Variants in AP1B1 observed in about 807,000 individuals in gnomAD.
AP1B1 encodes adaptor related protein complex 1 subunit beta 1.
AP1B1 carries 36 observed loss-of-function variants against 104.3 expected under a neutral mutation model. The observed-to-expected ratio is 0.35, with a 90% CI of 0.26 to 0.46. AP1B1 has a LOEUF of 0.46. Among genes scored for constraint, AP1B1 ranks in the 20% least tolerant of loss-of-function variants. AP1B1 has a pLI of 1.00. For missense variants in AP1B1, 901 were observed against 1,247.9 expected, an observed-to-expected ratio of 0.72 and a Z score of 4.19; for synonymous variants, 504 against 517.5, an observed-to-expected ratio of 0.97 and a Z score of 0.35.
chr22:29,348,188 C>T (rs2061820968), intron 11 of AP1B1, among the ~76,000 whole-genome samples: 1 of 152,252 alleles, frequency 6.6e-6, no homozygotes, highest in Admixed American at 6.5e-5. Context: ...CAAATCAAGA[C>T]TCATGGTGCC....
At chr22:29,386,945 C>T (rs1404422006) in intron 1 of AP1B1, among the ~76,000 whole-genome samples, 1 of 152,224 alleles carries the variant, frequency 6.6e-6, no homozygotes, top group African/African-American at 2.4e-5. Context: ...GCATATTTCT[C>T]AGAAAGGCAA....
Position 29,354,661 on chromosome 22 carries a change from G to A in AP1B1, c.927C>T (p.Ile309=), listed in dbSNP as rs778160100. 8.7e-6 allele frequency: 14 copies of A among 1,613,934 alleles called. No homozygotes were observed. Among genetic ancestry groups the A allele is most frequent in the South Asian group, 3.3e-5 (3 of 91,064 alleles). The change falls in exon 7 of 23, where the codon ATC becomes ATT. Residue 309 remains isoleucine, a synonymous_variant. Coordinates refer to ENST00000357586, the MANE Select transcript of AP1B1 (RefSeq NM_001127.4). ...QYVALRNINL[I]VQKRPEILKH... Reference sequence around the variant, plus strand: ...GGTGACCTCAGTACCTTTTCTGCACGATGAGATTGATGTTGCGCAGGGCCA... The same window carrying A: ...GGTGACCTCAGTACCTTTTCTGCACAATGAGATTGATGTTGCGCAGGGCCA...
Position 29,327,943 on chromosome 22 carries a change from CCAGGAGGAGGG to C in AP1B1, c.*867_*877del, listed in dbSNP as rs1374646523. ...TCAGACACAACTGAAACCTGGGAGG[CCAGGAGGAGGG>C]CAGCAGACACTACAGAGAAACCCCG... On this transcript the variant is annotated 3_prime_UTR_variant, in exon 23 of 23. Coordinates refer to ENST00000357586, the MANE Select transcript of AP1B1 (RefSeq NM_001127.4). 1.3e-5 allele frequency: 2 copies of C among 152,516 alleles called. No homozygotes were observed. Among genetic ancestry groups the C allele is most frequent in the African/African-American group, 4.8e-5 (2 of 41,370 alleles). 9.4% of individuals were successfully genotyped at this position (152,516 alleles called of 1,614,324 possible).
At chr22:29,345,654 G>A (rs1322807819) in intron 11 of AP1B1, among the ~76,000 whole-genome samples, 1 of 151,008 alleles carries the variant, frequency 6.6e-6, no homozygotes, top group African/African-American at 2.4e-5. Context: ...ACAGGCGTGA[G>A]CCGCTGCACC....
At chr22:29,362,525 T>G (rs2062066448) in intron 3 of AP1B1, among the ~76,000 whole-genome samples, 2 of 152,006 alleles carry the variant, frequency 1.3e-5, no homozygotes, top group South Asian at 4.2e-4. Flanking sequence ...TTTTGTATTT[T>G]TAGTAGAGAC....
In AP1B1 at chr22:29,328,966, G is replaced by A. The variant is rs890082126; in HGVS notation, c.2776-71C>T. 1.5e-5 allele frequency: 23 copies of A among 1,561,278 alleles called. No individual in the cohort carries two copies. Among genetic ancestry groups the A allele is most frequent in the Non-Finnish European group, 1.9e-5 (22 of 1,156,292 alleles). On this transcript the variant is annotated intron_variant, in intron 22 of 22. Coordinates refer to ENST00000357586, the MANE Select transcript of AP1B1 (RefSeq NM_001127.4). The surrounding 1 kb of genome is among the most constrained non-coding windows in gnomAD (Gnocchi z 4.1). ...GTTCCTCTCAGGAAGGAAAGGGGTGGGGAAGAGAGCAGGAACCAATGGGAC... is the reference window on the plus strand; with the variant it reads ...GTTCCTCTCAGGAAGGAAAGGGGTGAGGAAGAGAGCAGGAACCAATGGGAC...
intron 1 of AP1B1, among the ~76,000 whole-genome samples, chr22:29,387,270 C>T (rs1173125869): frequency 6.7e-6 from 1 of 148,310 alleles, no homozygotes; most frequent in Non-Finnish European, 1.5e-5. Flanking sequence ...TACATCGTGA[C>T]ATAAATCCAA....
At chr22:29,358,508 A>T (rs2061993921) in intron 5 of AP1B1, among the ~76,000 whole-genome samples, 1 of 152,212 alleles carries the variant, frequency 6.6e-6, no homozygotes, top group Admixed American at 6.5e-5. Flanking sequence ...AGCTTGCCCC[A>T]GGTTGCGCAG....
At chr22:29,346,796 G>A (rs191386780) in intron 11 of AP1B1, among the ~76,000 whole-genome samples, 5 of 151,914 alleles carry the variant, frequency 3.3e-5, no homozygotes, top group Admixed American at 2.6e-4. Flanking sequence ...GGTGGCAGTG[G>A]GGGGGGGTGA....
intron 1 of AP1B1, among the ~76,000 whole-genome samples, chr22:29,375,222 C>T (rs373803947): frequency 4.6e-5 from 7 of 151,000 alleles, no homozygotes; most frequent in Non-Finnish European, 7.4e-5. Flanking sequence ...TGGTGGCACA[C>T]GCCTGTAGTC....
intron 1 of AP1B1, among the ~76,000 whole-genome samples, chr22:29,378,552 C>CAAAA (rs145933767): frequency 3.5e-4 from 17 of 48,468 alleles, no homozygotes; most frequent in African/African-American, 6.5e-4. Context: ...AACTCCGTAT[C>CAAAA]AAAAAAAAAA....
chr22:29,332,100 C>A (rs1295663979), intron 17 of AP1B1, 184 bp from the exon 18 acceptor site: 2 of 590,374 alleles, frequency 3.4e-6, no homozygotes, highest in Non-Finnish European at 5.7e-6. Flanking sequence ...AGATGGCCAT[C>A]TGGACAGAAA....
At chr22:29,356,709 T>C in intron 5 of AP1B1, 93 bp from the exon 6 acceptor site, 3 of 1,250,030 alleles carry the variant, frequency 2.4e-6, no homozygotes, top group Non-Finnish European at 3.4e-6. Context: ...AGAGGTCAAA[T>C]ATCCTGAAAG....
chr22:29,365,421 C>A (rs1328624900), intron 2 of AP1B1, among the ~76,000 whole-genome samples: 2 of 152,050 alleles, frequency 1.3e-5, no homozygotes, highest in Admixed American at 1.3e-4. Context: ...TTGCTTGAAC[C>A]CAGGAGGCTG....
intron 9 of AP1B1, 53 bp from the exon 10 acceptor site, chr22:29,350,203 G>C: frequency 6.9e-7 from 1 of 1,455,576 alleles, no homozygotes; most frequent in Non-Finnish European, 9.6e-7. Context: ...ATTTCCAGTA[G>C]AGCCTCTGAT....
At chr22:29,338,633 G>C (rs902588738) in intron 16 of AP1B1, among the ~76,000 whole-genome samples, 1 of 152,148 alleles carries the variant, frequency 6.6e-6, no homozygotes, top group African/African-American at 2.4e-5. Flanking sequence ...ATGACTAAGG[G>C]GTGCTGAGTC....
At chr22:29,330,016 C>T (rs1180730442) in intron 21 of AP1B1, 2 of 1,409,670 alleles carry the variant, frequency 1.4e-6, no homozygotes, top group Non-Finnish European at 1.8e-6. Context: ...GTTCAGGCTC[C>T]TGGGAACCAC....
At chr22:29,384,483 C>T (rs2148062861) in intron 1 of AP1B1, among the ~76,000 whole-genome samples, 1 of 152,334 alleles carries the variant, frequency 6.6e-6, no homozygotes, top group Middle Eastern at 3.4e-3. Flanking sequence ...CATTCATTCA[C>T]TCATTCAACA....
At chr22:29,339,672 G>A (rs965298630) in intron 15 of AP1B1, 82 bp downstream of exon 15, 18 of 1,471,892 alleles carry the variant, frequency 1.2e-5, no homozygotes, top group African/African-American at 7.0e-5. Flanking sequence ...GACATCACCC[G>A]CCCCCGCCCC....
Sources: gnomAD v4.1 joint callset for allele counts (sites outside exome capture counted in the v4.1 genomes callset) on GRCh38, gnomAD v4.1.1 for gene constraint, Gnocchi (gnomAD v3.1) non-coding constraint, MANE v1.5 for transcripts, NCBI Gene and HGNC (gene_info 2026-07-23, HGNC 2026-07-21) for gene names.